SMIM45: variants seen among roughly 807,000 people sequenced by gnomAD.
The protein encoded by SMIM45 is small integral membrane protein 45.
At chr22:41,953,094 T>G in the SMIM45 span, among the ~76,000 whole-genome samples, 1 of 152,192 alleles carries the variant, frequency 6.6e-6, no homozygotes, top group South Asian at 2.1e-4. Context: ...ATCAGTGCAC[T>G]CTTCATTTTA....
chr22:41,951,519 A>G, the SMIM45 span, among the ~76,000 whole-genome samples: 1 of 152,100 alleles, frequency 6.6e-6, no homozygotes, highest in African/African-American at 2.4e-5. Flanking sequence ...GGAGTGCTCA[A>G]TGCCTGTGCT....
At chr22:41,955,737 C>T in the SMIM45 span, among the ~76,000 whole-genome samples, 20 of 144,572 alleles carry the variant, frequency 1.4e-4, no homozygotes, top group African/African-American at 4.4e-4. Context: ...ACCTGGGAGG[C>T]GGAGCTTGCA....
the SMIM45 span, among the ~76,000 whole-genome samples, chr22:41,949,508 CAG>C: frequency 6.6e-6 from 1 of 152,192 alleles, no homozygotes; most frequent in Non-Finnish European, 1.5e-5. Context: ...GTAAGAAGAA[CAG>C]GGGAGGAGGT....
the SMIM45 span, among the ~76,000 whole-genome samples, chr22:41,947,427 G>A: frequency 6.7e-6 from 1 of 149,274 alleles, no homozygotes; most frequent in African/African-American, 2.5e-5. Context: ...AGTGCAATGC[G>A]CGCAATCTCG....
the SMIM45 span, among the ~76,000 whole-genome samples, chr22:41,951,499 C>G: frequency 6.6e-6 from 1 of 152,110 alleles, no homozygotes; most frequent in African/African-American, 2.4e-5. Context: ...TTGGGGCCAG[C>G]TGGAAGATGG....
the SMIM45 span, among the ~76,000 whole-genome samples, chr22:41,953,819 C>T: frequency 2.5e-4 from 35 of 139,666 alleles, no homozygotes; most frequent in African/African-American, 8.7e-4. Flanking sequence ...GGCGCCGTCT[C>T]GGCTCACTGC....
At chr22:41,954,239 C>T in the SMIM45 span, among the ~76,000 whole-genome samples, 1 of 126,412 alleles carries the variant, frequency 7.9e-6, no homozygotes, top group African/African-American at 3.3e-5. Context: ...TGGAGTCTTG[C>T]TCTGTCACCC....
the SMIM45 span, among the ~76,000 whole-genome samples, chr22:41,956,547 A>G: frequency 6.6e-6 from 1 of 152,208 alleles, no homozygotes; most frequent in Admixed American, 6.5e-5. Flanking sequence ...GGCAACTGGC[A>G]GCCATGGCAG....
the SMIM45 span, chr22:41,952,101 A>C: frequency 6.5e-6 from 1 of 152,958 alleles, no homozygotes; most frequent in African/African-American, 2.4e-5. Context: ...ATTGGCTGAG[A>C]CAGGTCCCAC....
the SMIM45 span, among the ~76,000 whole-genome samples, chr22:41,947,716 A>C: frequency 7.6e-6 from 1 of 131,878 alleles, no homozygotes; most frequent in African/African-American, 3.0e-5. Flanking sequence ...CCCAGGCTGG[A>C]CTATAGTGAC....
the SMIM45 span, chr22:41,952,402 T>A: frequency 6.6e-6 from 1 of 152,382 alleles, no homozygotes; most frequent in Admixed American, 6.5e-5. Context: ...CCCCCGGAAC[T>A]GGCATCTGCA....
chr22:41,949,388 TGAA>T, the SMIM45 span, among the ~76,000 whole-genome samples: 3 of 152,030 alleles, frequency 2.0e-5, no homozygotes, highest in Admixed American at 6.5e-5. Context: ...TTAAGTATGA[TGAA>T]GAAGAGGCCT....
chr22:41,957,429 C>T, the SMIM45 span, among the ~76,000 whole-genome samples: 1 of 150,398 alleles, frequency 6.6e-6, no homozygotes, highest in Non-Finnish European at 1.5e-5. Flanking sequence ...GTCTTGATCT[C>T]CTGACCTCGT....
the SMIM45 span, among the ~76,000 whole-genome samples, chr22:41,949,396 A>G: frequency 1.3e-5 from 2 of 152,130 alleles, no homozygotes; most frequent in South Asian, 4.1e-4. Context: ...GATGAAGAAG[A>G]GGCCTCAGGC....
the SMIM45 span, chr22:41,958,512 G>T: frequency 5.1e-6 from 2 of 390,236 alleles, no homozygotes; most frequent in South Asian, 1.8e-5. Context: ...GAGAGAGTCT[G>T]GGGGGAGCGG....
the SMIM45 span, among the ~76,000 whole-genome samples, chr22:41,954,366 C>G: frequency 6.6e-6 from 1 of 152,000 alleles, no homozygotes; most frequent in Non-Finnish European, 1.5e-5. Flanking sequence ...GCCACCACCC[C>G]TGGCTAATTT....
chr22:41,946,989 C>T, the SMIM45 span: 1 of 1,610,476 alleles, frequency 6.2e-7, no homozygotes, highest in Non-Finnish European at 8.5e-7. Context: ...GAGGAAAAAC[C>T]GGCGGGGGAA....
chr22:41,954,680 CA>C, the SMIM45 span, among the ~76,000 whole-genome samples: 1 of 152,124 alleles, frequency 6.6e-6, no homozygotes. Context: ...GGGAGGTTGG[CA>C]GGGAGCAGAT....
At chr22:41,947,563 TCTC>T in the SMIM45 span, among the ~76,000 whole-genome samples, 1 of 151,884 alleles carries the variant, frequency 6.6e-6, no homozygotes, top group Non-Finnish European at 1.5e-5. Context: ...AGACGGGGTT[TCTC>T]CAAGTTGCCC....
Sources: gnomAD v4.1 joint callset for allele counts (sites outside exome capture counted in the v4.1 genomes callset) on GRCh38, gnomAD v4.1.1 for gene constraint, MANE v1.5 for transcripts, NCBI Gene and HGNC (gene_info 2026-07-23, HGNC 2026-07-21) for gene names.